Variants in CA10 observed in about 807,000 individuals in gnomAD.
The protein encoded by CA10 is carbonic anhydrase 10 (inactive).
CA10 carries 14 observed loss-of-function variants against 44.2 expected under a neutral mutation model. The observed-to-expected ratio is 0.32, with a 90% confidence interval of 0.21 to 0.50. The LOEUF (loss-of-function observed/expected upper bound fraction) is 0.50, where lower values mean the gene tolerates loss of function less well. Ranked by LOEUF, CA10 falls within the 20% of genes least tolerant of loss-of-function variation. The pLI is 0.99. For missense variants in CA10, 350 were observed against 409.7 expected (o/e 0.85, Z 1.26); for synonymous variants, 159 against 141.6 (o/e 1.12, Z -0.87).
intron 2 of CA10, among the ~76,000 whole-genome samples, chr17:51,995,630 G>C (rs752754579): frequency 6.6e-6 from 1 of 152,072 alleles, no homozygotes. Context: ...ACAGAGAAAA[G>C]TATAGCCAAG....
At chr17:51,643,103 C>G (rs1913162178) in intron 6 of CA10, among the ~76,000 whole-genome samples, 2 of 152,190 alleles carry the variant, frequency 1.3e-5, no homozygotes, top group Non-Finnish European at 2.9e-5. Flanking sequence ...TAACTGTTCC[C>G]TCTTACCCAC....
intron 2 of CA10, among the ~76,000 whole-genome samples, chr17:52,064,313 T>A (rs1400354781): frequency 6.6e-6 from 1 of 152,184 alleles, no homozygotes; most frequent in East Asian, 1.9e-4. Context: ...ATGTCCAGAC[T>A]TCTGACCCAA....
intron 4 of CA10, among the ~76,000 whole-genome samples, chr17:51,655,247 C>T (rs980510161): frequency 3.3e-5 from 5 of 152,170 alleles, no homozygotes; most frequent in Admixed American, 6.5e-5. Context: ...CGCTGGCTTT[C>T]GTGTTGTTTC....
At chr17:51,967,038 G>C (rs1180955499) in intron 2 of CA10, among the ~76,000 whole-genome samples, 1 of 151,446 alleles carries the variant, frequency 6.6e-6, no homozygotes, top group African/African-American at 2.4e-5. Flanking sequence ...TAAAAAGCAG[G>C]CAAAAGACAT....
intron 3 of CA10, among the ~76,000 whole-genome samples, chr17:51,886,913 G>A (rs911670014): frequency 6.6e-6 from 1 of 151,994 alleles, no homozygotes; most frequent in African/African-American, 2.4e-5. Flanking sequence ...AGCTCCCCGT[G>A]TGCACCCTGC....
At chr17:51,930,514 C>T (rs560418615) in intron 3 of CA10, among the ~76,000 whole-genome samples, 1 of 152,200 alleles carries the variant, frequency 6.6e-6, no homozygotes, top group East Asian at 1.9e-4. Context: ...AAGCAAGATG[C>T]CCCTAGGAAG....
In CA10 at chr17:51,986,690, T is replaced by C. The variant is rs185288300; in HGVS notation, c.137-55558A>G. 1.2e-3 allele frequency among the ~76,000 whole-genome samples: 179 copies of C among 151,912 alleles called. 5 individuals are homozygous for C. In the South Asian group the frequency reaches 0.022, roughly 18 times the overall value. ...AAAAACAAATAATCCCATCACAAAG[T>C]CGGCTATGGACATGAGTAGACAATT... is the stretch of plus-strand genomic sequence containing the variant. On this transcript the variant is annotated intron_variant, in intron 2 of 8. Transcript: ENST00000451037.
intron 3 of CA10, among the ~76,000 whole-genome samples, chr17:51,894,430 T>C (rs1009766447): frequency 2.0e-5 from 3 of 152,090 alleles, no homozygotes; most frequent in Admixed American, 2.0e-4. Context: ...ATTACCATAA[T>C]GGGCTACTAA....
chr17:51,987,910 A>G (rs1326483656), intron 2 of CA10, among the ~76,000 whole-genome samples: 4 of 152,060 alleles, frequency 2.6e-5, no homozygotes, highest in African/African-American at 7.2e-5. Flanking sequence ...TCAGAAACTC[A>G]GGTCTATATA....
rs993227838 is a variant in CA10 at position 51,845,179 on chromosome 17, G to A, written c.279+85811C>T. ...AATGTTTCACCTCCAGATGTGACAG[G>A]GAATACTTTTTTATTGTTTTAAGCC... On this transcript the variant is annotated intron_variant, in intron 3 of 8. Transcript: ENST00000451037. Among the ~76,000 whole-genome samples the A allele has an allele frequency of 2.6e-5, 4 of 152,160 alleles. No individual in the cohort carries two copies. The East Asian group carries it at 7.7e-4, about 29-fold the overall frequency.
At chr17:52,152,904 C>G (rs1393300365) in intron 1 of CA10, among the ~76,000 whole-genome samples, 1 of 151,954 alleles carries the variant, frequency 6.6e-6, no homozygotes, top group African/African-American at 2.4e-5. Context: ...GAAAACTGCC[C>G]AAATTTATAA....
intron 1 of CA10, 139 bp downstream of exon 1, chr17:52,157,587 C>A: frequency 1.1e-5 from 6 of 534,838 alleles, no homozygotes; most frequent in East Asian, 1.0e-4. Flanking sequence ...ATTTTTGATT[C>A]TGAAGGCGGC....
intron 3 of CA10, among the ~76,000 whole-genome samples, chr17:51,897,991 T>C (rs1981145585): frequency 6.6e-6 from 1 of 152,154 alleles, no homozygotes; most frequent in South Asian, 2.1e-4. Context: ...TTTCTAGGTA[T>C]AGAATCATAT....
At chr17:51,891,010 A>G (rs1980832534) in intron 3 of CA10, among the ~76,000 whole-genome samples, 1 of 150,914 alleles carries the variant, frequency 6.6e-6, no homozygotes, top group African/African-American at 2.5e-5. Flanking sequence ...AGTTCAGGAA[A>G]GATGGAATTC....
chr17:51,653,147 G>A (rs1913641913), intron 5 of CA10, among the ~76,000 whole-genome samples: 1 of 152,172 alleles, frequency 6.6e-6, no homozygotes, highest in South Asian at 2.1e-4. Context: ...GAAGGAACGG[G>A]AGAGCGAGAG....
At chr17:51,886,797 G>A (rs1598100514) in intron 3 of CA10, among the ~76,000 whole-genome samples, 3 of 152,178 alleles carry the variant, frequency 2.0e-5, no homozygotes, top group African/African-American at 7.2e-5. Context: ...CAAAGGAAGA[G>A]TGAATTTGTT....
At chr17:51,870,494 T>A (rs990597985) in intron 3 of CA10, among the ~76,000 whole-genome samples, 2 of 152,224 alleles carry the variant, frequency 1.3e-5, no homozygotes, top group East Asian at 3.9e-4. Flanking sequence ...AGAGAATGGA[T>A]GTGATGTTGT....
Position 51,888,511 on chromosome 17 carries a change from T to C in CA10, c.279+42479A>G, listed in dbSNP as rs867179757. ...GCTCTTAAAGCATCCTAAATTGTCTTTTCTTCCTTCAAATGTCAAAATACC... is the reference window on the plus strand; with the variant it reads ...GCTCTTAAAGCATCCTAAATTGTCTCTTCTTCCTTCAAATGTCAAAATACC... On this transcript the variant is annotated intron_variant, in intron 3 of 8. Transcript: ENST00000451037. Among the ~76,000 whole-genome samples the C allele has an allele frequency of 2.0e-5, 3 of 152,358 alleles. No individual in the cohort carries two copies. The South Asian group carries it at 6.2e-4, about 32-fold the overall frequency.
intron 4 of CA10, among the ~76,000 whole-genome samples, chr17:51,681,435 A>G (rs929873127): frequency 9.2e-5 from 14 of 152,186 alleles, no homozygotes; most frequent in African/African-American, 3.4e-4. Context: ...GGTTGATATA[A>G]GGGATGGCTT....
Sources: allele counts gnomAD v4.1 joint callset (sites outside exome capture counted in the v4.1 genomes callset), GRCh38; gene constraint gnomAD v4.1.1; transcripts MANE v1.5; gene names NCBI Gene and HGNC (gene_info 2026-07-23, HGNC 2026-07-21).